The following LRRC7 variants were observed in gnomAD, a reference collection of about 807,000 sequenced individuals.
LRRC7 encodes the protein leucine-rich repeat-containing protein 7.
A neutral mutation model predicts 175.7 loss-of-function variants in LRRC7; 23 were observed. The ratio of observed to expected loss-of-function variants is 0.13; its 90% CI spans 0.09 to 0.19. LRRC7 has a LOEUF of 0.19. Ranked by LOEUF, LRRC7 falls within the 10% of genes least tolerant of loss-of-function variation. The pLI, the probability that LRRC7 is intolerant of heterozygous loss-of-function variation, is 1.00. For synonymous variants in LRRC7, 685 were observed against 680.9 expected, an observed-to-expected ratio of 1.01 and a Z score of -0.09; for missense variants, 1,354 against 1,904.7, an observed-to-expected ratio of 0.71 and a Z score of 5.38.
chr1:69,702,560 T>C (rs566321175), intron 2 of LRRC7, among the ~76,000 whole-genome samples: 17 of 152,168 alleles, frequency 1.1e-4, no homozygotes, highest in East Asian at 3.9e-4. Context: ...AACTTTGTTA[T>C]AAAATTAATT....
chr1:69,717,919 GAAAA>G (rs1371153165), intron 2 of LRRC7, among the ~76,000 whole-genome samples: 5 of 31,176 alleles, frequency 1.6e-4, no homozygotes, highest in African/African-American at 3.7e-4. Context: ...GAGAAAGAGA[GAAAA>G]AAAGAAAAGA....
intron 22 of LRRC7, among the ~76,000 whole-genome samples, chr1:70,045,683 G>C (rs1660271206): frequency 6.6e-6 from 1 of 152,252 alleles, no homozygotes; most frequent in South Asian, 2.1e-4. Context: ...TGCTAATAAA[G>C]ACATACCCAA....
At chr1:70,071,076 A>G (rs1318100929) in intron 23 of LRRC7, among the ~76,000 whole-genome samples, 1 of 152,086 alleles carries the variant, frequency 6.6e-6, no homozygotes, top group Non-Finnish European at 1.5e-5. Context: ...GGGTGGGGCT[A>G]CAGTTTTTTT....
chr1:69,893,064 A>G (rs1055204780), intron 7 of LRRC7, among the ~76,000 whole-genome samples: 12 of 152,150 alleles, frequency 7.9e-5, no homozygotes, highest in African/African-American at 2.9e-4. Context: ...TTTCATTTTT[A>G]AAAACACATC....
At chr1:69,801,020 A>G (rs192286576) in intron 4 of LRRC7, among the ~76,000 whole-genome samples, 227 of 151,908 alleles carry the variant, frequency 1.5e-3, no homozygotes, top group African/African-American at 5.2e-3. Context: ...ACTTTTGTTT[A>G]TGTAATAAAT....
intron 4 of LRRC7, among the ~76,000 whole-genome samples, chr1:69,813,279 A>G (rs557631407): frequency 3.4e-4 from 52 of 152,244 alleles, no homozygotes; most frequent in African/African-American, 1.3e-3. Flanking sequence ...GCAAAATTAC[A>G]ACCCTGGCTG....
chr1:69,574,955 A>C (rs768558127), intron 1 of LRRC7, among the ~76,000 whole-genome samples: 7 of 152,190 alleles, frequency 4.6e-5, no homozygotes, highest in Non-Finnish European at 1.0e-4. Flanking sequence ...AATATTAGCG[A>C]AGTCCTTAGG....
chr1:69,944,534 T>G (rs1649096742), intron 8 of LRRC7, among the ~76,000 whole-genome samples: 1 of 152,116 alleles, frequency 6.6e-6, no homozygotes. Context: ...AAAGCATGAT[T>G]GCTGGATCAT....
At chr1:70,045,183 A>C (rs1379403492) in intron 22 of LRRC7, among the ~76,000 whole-genome samples, 1 of 152,058 alleles carries the variant, frequency 6.6e-6, no homozygotes, top group Non-Finnish European at 1.5e-5. Flanking sequence ...TTAAAAAAAA[A>C]AACACTAAAT....
At chr1:69,758,720 G>A (rs576212433) in intron 2 of LRRC7, among the ~76,000 whole-genome samples, 9 of 151,728 alleles carry the variant, frequency 5.9e-5, no homozygotes, top group East Asian at 3.9e-4. Flanking sequence ...CCATGTTTGC[G>A]CAGTGTTTAG....
chr1:69,939,311 C>G (rs1648455104), intron 8 of LRRC7, among the ~76,000 whole-genome samples: 1 of 151,686 alleles, frequency 6.6e-6, no homozygotes, highest in Admixed American at 6.6e-5. Flanking sequence ...TAAGGAGGGG[C>G]CCCCACAGGC....
chr1:69,706,327 G>A (rs1664035911), intron 2 of LRRC7, among the ~76,000 whole-genome samples: 2 of 152,090 alleles, frequency 1.3e-5, no homozygotes, highest in South Asian at 4.1e-4. Context: ...TTGCTGTCCT[G>A]TCCTCAGTTA....
intron 7 of LRRC7, among the ~76,000 whole-genome samples, chr1:69,887,062 A>G (rs1424063435): frequency 6.7e-6 from 1 of 148,762 alleles, no homozygotes; most frequent in African/African-American, 2.5e-5. Flanking sequence ...TTTTTCCTAC[A>G]TTTCAACTTT....
chr1:69,847,128 C>G (rs1191852669), intron 7 of LRRC7, among the ~76,000 whole-genome samples: 1 of 152,010 alleles, frequency 6.6e-6, no homozygotes, highest in Non-Finnish European at 1.5e-5. Flanking sequence ...GCAACTAAAA[C>G]ACGTGATAGA....
At chr1:69,883,118 G>T (rs1182216099) in intron 7 of LRRC7, among the ~76,000 whole-genome samples, 1 of 151,786 alleles carries the variant, frequency 6.6e-6, no homozygotes, top group South Asian at 2.1e-4. Flanking sequence ...TATTCCTTTG[G>T]GTATATACCC....
intron 4 of LRRC7, among the ~76,000 whole-genome samples, chr1:69,807,686 C>T (rs1415510252): frequency 2.0e-5 from 3 of 152,038 alleles, no homozygotes; most frequent in Admixed American, 6.6e-5. Context: ...TGATGGGCTT[C>T]CCTTTGTGGG....
At chr1:69,822,802 A>G (rs1045098525) in intron 4 of LRRC7, among the ~76,000 whole-genome samples, 4 of 152,204 alleles carry the variant, frequency 2.6e-5, no homozygotes, top group African/African-American at 9.6e-5. Context: ...CTCCAATGAT[A>G]TGCTGGAATT....
At chr1:69,851,389 G>C (rs768115125) in intron 7 of LRRC7, among the ~76,000 whole-genome samples, 23 of 152,202 alleles carry the variant, frequency 1.5e-4, no homozygotes, top group Admixed American at 1.3e-4. Context: ...GATCTTAGTG[G>C]AGCATACTAG....
chr1:69,805,242 T>C (rs1475261220), intron 4 of LRRC7, among the ~76,000 whole-genome samples: 1 of 151,720 alleles, frequency 6.6e-6, no homozygotes, highest in Non-Finnish European at 1.5e-5. Flanking sequence ...TCATATCCTC[T>C]ACTTGAAGGA....
Sources: gnomAD v4.1 joint callset for allele counts (sites outside exome capture counted in the v4.1 genomes callset) on GRCh38, gnomAD v4.1.1 for gene constraint, MANE v1.5 for transcripts, NCBI Gene and HGNC (gene_info 2026-07-23, HGNC 2026-07-21) for gene names.